Variants in ZC3H13 observed in about 807,000 individuals in gnomAD.
The protein encoded by ZC3H13 is zinc finger CCCH domain-containing protein 13.
Under a neutral mutation model 204.1 loss-of-function variants are expected in ZC3H13, and 64 were observed. The ratio of observed to expected loss-of-function variants is 0.31; its 90% CI spans 0.26 to 0.39. The LOEUF (loss-of-function observed/expected upper bound fraction) is 0.39, where lower values mean the gene tolerates loss of function less well. Ranked by LOEUF, ZC3H13 falls within the 10% of genes least tolerant of loss-of-function variation. The pLI is 1.00. For synonymous variants in ZC3H13, 667 were observed against 693.7 expected, an observed-to-expected ratio of 0.96 and a Z score of 0.60; for missense variants, 1,833 against 2,082.7, an observed-to-expected ratio of 0.88 and a Z score of 2.33.
intron 4 of ZC3H13, among the ~76,000 whole-genome samples, chr13:46,039,221 C>T (rs986330167): frequency 6.6e-6 from 1 of 152,118 alleles, no homozygotes; most frequent in African/African-American, 2.4e-5. Context: ...AATTTCTTAA[C>T]AAAATGCCAA....
chr13:45,987,443 T>A (rs2039625504), intron 9 of ZC3H13, among the ~76,000 whole-genome samples: 1 of 152,156 alleles, frequency 6.6e-6, no homozygotes, highest in Admixed American at 6.5e-5. Flanking sequence ...AATATCTTAT[T>A]AAAATTTATA....
At chr13:45,962,150 A>C (rs1378748675) in intron 17 of ZC3H13, 1 of 985,042 alleles carries the variant, frequency 1.0e-6, no homozygotes, top group Non-Finnish European at 1.2e-6. Flanking sequence ...ATAGCAGAAA[A>C]TATAGATAGA....
At chr13:46,050,086 A>G (rs911970749) in intron 1 of ZC3H13, among the ~76,000 whole-genome samples, 19 of 152,186 alleles carry the variant, frequency 1.2e-4, no homozygotes, top group Admixed American at 1.2e-3. Context: ...GAGCAAATGA[A>G]TATCTGAAGT....
intron 5 of ZC3H13, among the ~76,000 whole-genome samples, chr13:46,017,360 T>C (rs1311083944): frequency 6.6e-6 from 1 of 152,092 alleles, no homozygotes; most frequent in Non-Finnish European, 1.5e-5. Context: ...GAGTAGATAG[T>C]GGAGTTTCCC....
chr13:45,978,629 G>A lies in ZC3H13; in HGVS notation c.1912+1184C>T, dbSNP rs577843662. The stretch of plus-strand genomic sequence containing the variant: ...TCAAAGTTCTTGGCACCTAGTAGAA[G>A]ATCAATACATGTGGTTGAACTAACC... On this transcript the variant is annotated intron_variant, in intron 11 of 18. Coordinates refer to ENST00000679008, the MANE Select transcript of ZC3H13 (RefSeq NM_001330564.2). 5.3e-5 allele frequency among the ~76,000 whole-genome samples: 8 copies of A among 151,996 alleles called. No individual in the cohort carries two copies. In the South Asian group the frequency reaches 1.7e-3, roughly 32 times the overall value.
chr13:46,009,402 G>A (rs7317125), intron 7 of ZC3H13, among the ~76,000 whole-genome samples: 4,583 of 152,220 alleles, frequency 0.03, 242 homozygotes, highest in African/African-American at 0.1. Flanking sequence ...GAATGAAAAT[G>A]TTCACCTGTG....
At chr13:46,044,326 T>C (rs1201501151) in intron 3 of ZC3H13, among the ~76,000 whole-genome samples, 1 of 152,074 alleles carries the variant, frequency 6.6e-6, no homozygotes, top group Non-Finnish European at 1.5e-5. Flanking sequence ...ACTTTATGTA[T>C]ATTACATCTT....
chr13:45,981,099 T>G (rs956296360), intron 10 of ZC3H13, among the ~76,000 whole-genome samples: 4 of 152,198 alleles, frequency 2.6e-5, no homozygotes, highest in Non-Finnish European at 4.4e-5. Flanking sequence ...AAAAAGCTTT[T>G]TTTGAGCAGT....
intron 8 of ZC3H13, among the ~76,000 whole-genome samples, chr13:45,990,929 G>A (rs759350983): frequency 2.0e-5 from 3 of 151,982 alleles, no homozygotes; most frequent in East Asian, 1.9e-4. Flanking sequence ...TCAGCCTCCC[G>A]AGCAGCTGGG....
chr13:46,047,757 T>C (rs1348082390), intron 1 of ZC3H13, among the ~76,000 whole-genome samples: 1 of 152,198 alleles, frequency 6.6e-6, no homozygotes, highest in Non-Finnish European at 1.5e-5. Flanking sequence ...TAAAGTTTCA[T>C]TATATATTGC....
chr13:46,048,902 A>G (rs1274050609), intron 1 of ZC3H13, among the ~76,000 whole-genome samples: 1 of 152,162 alleles, frequency 6.6e-6, no homozygotes, highest in Non-Finnish European at 1.5e-5. Flanking sequence ...AGGCCAAGGC[A>G]GGCGGATCAC....
At chr13:46,036,239 T>A (rs1390510674) in intron 4 of ZC3H13, among the ~76,000 whole-genome samples, 1 of 151,756 alleles carries the variant, frequency 6.6e-6, no homozygotes, top group African/African-American at 2.4e-5. Context: ...AATAATTGCA[T>A]GGGCATTCTA....
intron 10 of ZC3H13, among the ~76,000 whole-genome samples, chr13:45,982,048 CAAAT>C (rs936486800): frequency 2.7e-5 from 4 of 149,948 alleles, no homozygotes; most frequent in Non-Finnish European, 4.4e-5. Flanking sequence ...AATAAATAAA[CAAAT>C]AAATAAAAAA....
In ZC3H13 at chr13:45,969,055, T is replaced by C; in HGVS notation, c.3489A>G (p.Thr1163=). 1 of 1,614,208 alleles carries C rather than the reference T, an allele frequency of 6.2e-7. No individual in the cohort carries two copies. The highest frequency in any genetic ancestry group is 8.5e-7 in the Non-Finnish European group (1 of 1,180,034). The part of the protein sequence containing the change: ...NEDSHRKCHR[T]RVEKVETPHV... Reference sequence around the variant, plus strand: ...GAGGCGTCTCTACTTTTTCTACTCGTGTTCTGTGGCATTTTCTGTGTGAGT... The same window carrying C: ...GAGGCGTCTCTACTTTTTCTACTCGCGTTCTGTGGCATTTTCTGTGTGAGT... Residue 1163 remains threonine (T), a synonymous_variant, in exon 14 of 19, where the codon ACA becomes ACG. Coordinates refer to ENST00000679008, the MANE Select transcript of ZC3H13 (RefSeq NM_001330564.2).
chr13:46,049,852 C>T (rs549675258), intron 1 of ZC3H13, among the ~76,000 whole-genome samples: 1 of 152,072 alleles, frequency 6.6e-6, no homozygotes, highest in African/African-American at 2.4e-5. Context: ...TAAAGTCTTT[C>T]CTATCATAGA....
intron 11 of ZC3H13, among the ~76,000 whole-genome samples, chr13:45,979,444 G>A (rs572098624): frequency 2.0e-4 from 31 of 152,034 alleles, no homozygotes; most frequent in Non-Finnish European, 3.5e-4. Flanking sequence ...CATAGCAAAT[G>A]AGTGAGTAGA....
chr13:45,995,024 A>AAC (rs1555283779), intron 8 of ZC3H13, among the ~76,000 whole-genome samples: 2,626 of 148,880 alleles, frequency 0.018, 74 homozygotes, highest in African/African-American at 0.059. Flanking sequence ...AAAAAAAAAA[A>AAC]AAAAACGCCA....
At chr13:46,010,268 C>T (rs2041455383) in intron 7 of ZC3H13, 80 bp downstream of exon 7, 3 of 1,310,090 alleles carry the variant, frequency 2.3e-6, no homozygotes, top group African/African-American at 1.5e-5. Flanking sequence ...ACTAAAAGTA[C>T]CCTTTTATAA....
intron 8 of ZC3H13, among the ~76,000 whole-genome samples, chr13:46,000,650 G>A (rs553582214): frequency 6.6e-6 from 1 of 152,320 alleles, no homozygotes; most frequent in East Asian, 1.9e-4. Context: ...GTCCGCATCA[G>A]CAATATGGCT....
Sources: gnomAD v4.1 joint callset for allele counts (sites outside exome capture counted in the v4.1 genomes callset) on GRCh38, gnomAD v4.1.1 for gene constraint, MANE v1.5 for transcripts, NCBI Gene and HGNC (gene_info 2026-07-23, HGNC 2026-07-21) for gene names.